The following DPP6 variants were observed in gnomAD, a reference collection of about 807,000 sequenced individuals.
The protein encoded by DPP6 is dipeptidyl peptidase like 6.
Under a neutral mutation model 122.6 loss-of-function variants are expected in DPP6, and 69 were observed. The ratio of observed to expected loss-of-function variants is 0.56; its 90% CI spans 0.46 to 0.69. The LOEUF (loss-of-function observed/expected upper bound fraction) is 0.69. Among genes scored for constraint, DPP6 ranks in the 30% least tolerant of loss-of-function variants. DPP6 has a pLI of 0.00. For missense variants in DPP6, 928 were observed against 1,116.9 expected, an observed-to-expected ratio of 0.83 and a Z score of 2.41; for synonymous variants, 418 against 433.1, an observed-to-expected ratio of 0.97 and a Z score of 0.43.
chr7:154,642,434 T>C (rs1254476432), intron 6 of DPP6, among the ~76,000 whole-genome samples: 1 of 149,730 alleles, frequency 6.7e-6, no homozygotes, highest in African/African-American at 2.5e-5. Context: ...CTACTAAAAA[T>C]ACAAAATTAG....
At chr7:154,143,018 C>G (rs1374890069) in intron 1 of DPP6, among the ~76,000 whole-genome samples, 2 of 137,608 alleles carry the variant, frequency 1.5e-5, no homozygotes, top group Admixed American at 7.6e-5. Flanking sequence ...GTTTCCTATG[C>G]TAAATACTAG....
intron 1 of DPP6, among the ~76,000 whole-genome samples, chr7:154,262,008 GGAGGGAGA>G (rs570291443): frequency 9.2e-4 from 139 of 151,680 alleles, no homozygotes; most frequent in Non-Finnish European, 1.1e-3. Flanking sequence ...AGGAAGGAAG[GGAGGGAGA>G]GAGGGAGAGA....
chr7:154,456,564 G>GCCC (rs369438653), intron 2 of DPP6, among the ~76,000 whole-genome samples: 74 of 96,784 alleles, frequency 7.6e-4, no homozygotes, highest in African/African-American at 2.4e-3. Context: ...TAAAAAATGC[G>GCCC]CCCCCCCCAC....
intron 1 of DPP6, among the ~76,000 whole-genome samples, chr7:154,280,983 T>TTTTATTTATTTA (rs146635527): frequency 0.018 from 2,509 of 143,012 alleles, 45 homozygotes; most frequent in African/African-American, 0.042. Flanking sequence ...TTATTTCTTA[T>TTTTATTTATTTA]TTTATTTATT....
chr7:154,869,664 G>A (rs977514958), intron 18 of DPP6, among the ~76,000 whole-genome samples: 2 of 152,168 alleles, frequency 1.3e-5, no homozygotes, highest in Admixed American at 1.3e-4. Flanking sequence ...ACCCTCACTC[G>A]CCTGTGCTCA....
At chr7:154,805,697 C>T (rs985091365) in intron 15 of DPP6, among the ~76,000 whole-genome samples, 31 of 152,094 alleles carry the variant, frequency 2.0e-4, no homozygotes, top group Admixed American at 2.0e-3. Context: ...TTTTCTAGGG[C>T]GTGTCCCTCT....
At chr7:154,377,383 C>A (rs751515142) in intron 1 of DPP6, among the ~76,000 whole-genome samples, 6 of 152,126 alleles carry the variant, frequency 3.9e-5, no homozygotes, top group Non-Finnish European at 8.8e-5. Context: ...GAGGCAGGAC[C>A]AGTATCGTAC....
chr7:154,274,194 T>C (rs1232080304), intron 1 of DPP6, among the ~76,000 whole-genome samples: 1 of 152,206 alleles, frequency 6.6e-6, no homozygotes, highest in Non-Finnish European at 1.5e-5. Context: ...GCTGTGGAAT[T>C]CTGTAGTCCT....
At chr7:153,957,886 G>A (rs569008241) in intron 1 of DPP6, among the ~76,000 whole-genome samples, 4 of 152,076 alleles carry the variant, frequency 2.6e-5, no homozygotes, top group Non-Finnish European at 5.9e-5. Flanking sequence ...AAAATTGCTC[G>A]GGCGCGGTGG....
At chr7:154,123,084 G>T (rs1183951613) in intron 1 of DPP6, among the ~76,000 whole-genome samples, 2 of 152,098 alleles carry the variant, frequency 1.3e-5, no homozygotes, top group East Asian at 1.9e-4. Flanking sequence ...GACACATTGG[G>T]GTTATTTATA....
At chr7:153,997,593 G>GCGCACA (rs1554430189) in intron 1 of DPP6, among the ~76,000 whole-genome samples, 2 of 145,982 alleles carry the variant, frequency 1.4e-5, no homozygotes, top group African/African-American at 5.2e-5. Flanking sequence ...TGAGTGCACA[G>GCGCACA]CACACACACA....
intron 1 of DPP6, among the ~76,000 whole-genome samples, chr7:153,888,002 T>C (rs951889121): frequency 6.6e-6 from 1 of 152,208 alleles, no homozygotes; most frequent in Admixed American, 6.5e-5. Flanking sequence ...GGGCGCGGGA[T>C]GGGAGGAAGG....
At chr7:153,772,068 T>G in the DPP6 span, among the ~76,000 whole-genome samples, 1 of 152,150 alleles carries the variant, frequency 6.6e-6, no homozygotes, top group East Asian at 1.9e-4. Context: ...CAGCATACAT[T>G]GTTGTGATCC....
chr7:154,467,270 G>C (rs1056645588), intron 2 of DPP6, among the ~76,000 whole-genome samples: 6 of 152,068 alleles, frequency 3.9e-5, no homozygotes, highest in African/African-American at 1.2e-4. Context: ...AATTTTGGGG[G>C]TCTGATATGG....
chr7:154,053,720 G>A (rs1342096611), intron 1 of DPP6, among the ~76,000 whole-genome samples: 1 of 152,094 alleles, frequency 6.6e-6, no homozygotes, highest in South Asian at 2.1e-4. Flanking sequence ...CCCTCAGGCC[G>A]TGTCTGTCTC....
intron 5 of DPP6, among the ~76,000 whole-genome samples, chr7:154,573,462 T>G (rs955797619): frequency 1.3e-5 from 2 of 152,328 alleles, no homozygotes; most frequent in Admixed American, 1.3e-4. Flanking sequence ...CACCACCCAC[T>G]GAGACCAGAA....
At chr7:153,781,547 G>C in the DPP6 span, among the ~76,000 whole-genome samples, 3 of 152,180 alleles carry the variant, frequency 2.0e-5, no homozygotes, top group African/African-American at 7.2e-5. Context: ...CCATGTGAGA[G>C]ATGTCAGGCA....
At chr7:154,747,274 G>T (rs1358164392) in intron 8 of DPP6, among the ~76,000 whole-genome samples, 1 of 152,152 alleles carries the variant, frequency 6.6e-6, no homozygotes, top group Non-Finnish European at 1.5e-5. Flanking sequence ...GCCTTGTACT[G>T]CTTTACTTCA....
intron 2 of DPP6, among the ~76,000 whole-genome samples, chr7:154,470,499 A>G (rs1822166033): frequency 6.6e-6 from 1 of 152,202 alleles, no homozygotes; most frequent in African/African-American, 2.4e-5. Context: ...TCCAGCAGCT[A>G]TGCTCGGGTG....
Sources: gnomAD v4.1 joint callset for allele counts (sites outside exome capture counted in the v4.1 genomes callset) on GRCh38, gnomAD v4.1.1 for gene constraint, MANE v1.5 for transcripts, NCBI Gene and HGNC (gene_info 2026-07-23, HGNC 2026-07-21) for gene names.